GALK2: variants seen among roughly 807,000 people sequenced by gnomAD.
GALK2 encodes the protein galactokinase 2.
In GALK2, 36 loss-of-function variants were observed where a neutral mutation model predicts 52.4. The observed-to-expected ratio is 0.69, with a 90% CI of 0.53 to 0.91. The LOEUF (loss-of-function observed/expected upper bound fraction) is 0.91, where lower values mean the gene tolerates loss of function less well. Ranked by LOEUF, GALK2 falls within the 40% of genes least tolerant of loss-of-function variation. The pLI is 0.00. For synonymous variants in GALK2, 176 were observed against 199.1 expected (o/e 0.88, Z 0.98); for missense variants, 579 against 559.1 (o/e 1.04, Z -0.36).
At chr15:49,166,861 A>G (rs971816781), upstream of GALK2, among the ~76,000 whole-genome samples, 3 of 152,258 alleles carry the variant, frequency 2.0e-5, no homozygotes, top group African/African-American at 7.2e-5. Flanking sequence ...ATTGTAAGTC[A>G]AAATAGGAAA....
At chr15:49,264,224 G>T (rs931727536) in intron 5 of GALK2, among the ~76,000 whole-genome samples, 2 of 151,484 alleles carry the variant, frequency 1.3e-5, no homozygotes, top group African/African-American at 4.9e-5. Flanking sequence ...ACGTAGATTT[G>T]GTCTTTTCAC....
At chr15:49,263,912 G>T (rs1566993469) in intron 5 of GALK2, among the ~76,000 whole-genome samples, 4 of 151,782 alleles carry the variant, frequency 2.6e-5, no homozygotes, top group Admixed American at 2.0e-4. Context: ...CTCTCTTCTG[G>T]CTTGTAGGGT....
intron 8 of GALK2, among the ~76,000 whole-genome samples, chr15:49,317,893 A>AT (rs1255979782): frequency 6.6e-6 from 1 of 152,098 alleles, no homozygotes; most frequent in African/African-American, 2.4e-5. Context: ...GGAACAACAC[A>AT]TACTGGGGCC....
intron 3 of GALK2, among the ~76,000 whole-genome samples, chr15:49,364,953 G>C (rs1567159011): frequency 6.6e-6 from 1 of 151,874 alleles, no homozygotes; most frequent in Non-Finnish European, 1.5e-5. Context: ...AACATTAAAA[G>C]CAAAGCATTT....
At position 49,214,516 on chromosome 15, in the gene GALK2, ATT is replaced by A. The variant is rs1403354038; in HGVS notation, c.143-2670_143-2669del. Among the ~76,000 whole-genome samples the A allele has an allele frequency of 2.1e-3, 229 of 109,344 alleles. 4 individuals carry two copies. Among genetic ancestry groups the A allele is most frequent in the Admixed American group, 0.011 (117 of 10,742 alleles). 71.7% of individuals were successfully genotyped at this position (109,344 alleles called of 152,430 possible). On this transcript the variant is annotated intron_variant, in intron 2 of 9. Transcript: ENST00000560031. ...CGGCTATTTTTTTTTTTTTTTTTGT[ATT>A]TTTAGTAGAGATGGGGTTTCACCAT...
At chr15:49,177,705 CT>C in intron 1 of GALK2, 1 of 665,954 alleles carries the variant, frequency 1.5e-6, no homozygotes, top group Non-Finnish European at 2.3e-6. Flanking sequence ...GGCCACGGAT[CT>C]TTCGGCCTGC....
upstream of GALK2, among the ~76,000 whole-genome samples, chr15:49,168,729 A>AG (rs2141163736): frequency 6.6e-6 from 1 of 151,726 alleles, no homozygotes; most frequent in East Asian, 1.9e-4. Context: ...AAAAAAAAAA[A>AG]AAAAGATTCT....
chr15:49,190,898 T>C (rs2086680260), intron 1 of GALK2, among the ~76,000 whole-genome samples: 1 of 150,446 alleles, frequency 6.6e-6, no homozygotes, highest in East Asian at 1.9e-4. Flanking sequence ...ATCCCTGGAG[T>C]CTCTCTGAAT....
chr15:49,365,598 T>G (rs2045012764), intron 3 of GALK2: 4 of 995,662 alleles, frequency 4.0e-6, no homozygotes, highest in South Asian at 1.3e-5. Context: ...CACCATTCTT[T>G]GTGATGAATG....
chr15:49,237,282 G>C (rs1156758501), intron 4 of GALK2, among the ~76,000 whole-genome samples: 1 of 152,116 alleles, frequency 6.6e-6, no homozygotes, highest in Non-Finnish European at 1.5e-5. Flanking sequence ...ATGCTAGCCT[G>C]TTCAGAAACT....
At chr15:49,339,787 T>A (rs184769561) in intron 3 of GALK2, among the ~76,000 whole-genome samples, 17 of 152,204 alleles carry the variant, frequency 1.1e-4, no homozygotes, top group Non-Finnish European at 2.2e-4. Context: ...AAGTCCCTGA[T>A]TGGGGCTGGT....
intron 3 of GALK2, among the ~76,000 whole-genome samples, chr15:49,360,993 C>G (rs917869652): frequency 1.3e-5 from 2 of 152,042 alleles, no homozygotes; most frequent in African/African-American, 2.4e-5. Context: ...AGGCAAATCA[C>G]TCCTTATCAA....
intron 8 of GALK2, among the ~76,000 whole-genome samples, chr15:49,299,771 C>CT (rs2034914630): frequency 3.2e-5 from 4 of 124,896 alleles, no homozygotes; most frequent in South Asian, 2.6e-4. Context: ...TTCTTTCTTT[C>CT]TTTCTTTCTT....
chr15:49,305,279 C>G (rs1309120603), intron 8 of GALK2, among the ~76,000 whole-genome samples: 2 of 152,098 alleles, frequency 1.3e-5, no homozygotes, highest in African/African-American at 4.8e-5. Flanking sequence ...TGTATAGACA[C>G]TAACAGTTTA....
chr15:49,193,917 C>A (rs943517590), intron 1 of GALK2: 1 of 151,686 alleles, frequency 6.6e-6, no homozygotes, highest in African/African-American at 2.4e-5. Flanking sequence ...TTAGTAGAGA[C>A]GGGGTTTCAC....
chr15:49,322,282 T>C (rs369157855), intron 9 of GALK2, among the ~76,000 whole-genome samples: 11 of 152,230 alleles, frequency 7.2e-5, no homozygotes, highest in African/African-American at 2.7e-4. Flanking sequence ...TTTTTCATGA[T>C]TGTTTTGTTT....
intron 1 of GALK2, among the ~76,000 whole-genome samples, chr15:49,160,970 T>A (rs1194382158): frequency 6.6e-6 from 1 of 152,130 alleles, no homozygotes; most frequent in Non-Finnish European, 1.5e-5. Context: ...GAAAATAGGA[T>A]CCCGAGGTAG....
At chr15:49,201,962 A>G (rs539437466) in intron 2 of GALK2, among the ~76,000 whole-genome samples, 10 of 152,262 alleles carry the variant, frequency 6.6e-5, no homozygotes, top group African/African-American at 2.4e-4. Context: ...GAGAAGTTCA[A>G]TATCATGGTA....
chr15:49,337,508 C>CTT (rs33973907), intron 3 of GALK2, among the ~76,000 whole-genome samples: 1,738 of 35,980 alleles, frequency 0.048, 330 homozygotes, highest in African/African-American at 0.084. Flanking sequence ...CATTTACCCA[C>CTT]TTTTTTTTTT....
Sources: gnomAD v4.1 joint callset for allele counts (sites outside exome capture counted in the v4.1 genomes callset) on GRCh38, gnomAD v4.1.1 for gene constraint, MANE v1.5 for transcripts, NCBI Gene and HGNC (gene_info 2026-07-23, HGNC 2026-07-21) for gene names.